EML1: variants seen among roughly 807,000 people sequenced by gnomAD.
EML1 encodes the protein EMAP like 1, also known as echinoderm microtubule-associated protein-like 1.
Under a neutral mutation model 110.4 loss-of-function variants are expected in EML1, and 27 were observed. That is an observed-to-expected ratio of 0.24 (90% confidence interval 0.18 to 0.34). The LOEUF is 0.34. Among genes scored for constraint, EML1 ranks in the 10% least tolerant of loss-of-function variants. The pLI is 1.00. For missense variants in EML1, 741 were observed against 1,030.9 expected (o/e 0.72, Z 3.85); for synonymous variants, 344 against 385.8 (o/e 0.89, Z 1.27).
chr14:99,822,199 TG>T (rs147795600), intron 1 of EML1, among the ~76,000 whole-genome samples: 6,785 of 152,180 alleles, frequency 0.045, 480 homozygotes, highest in African/African-American at 0.15. Context: ...CTAGGACATA[TG>T]TTTTTTTTTA....
chr14:99,900,253 A>G (rs944802039), intron 8 of EML1, among the ~76,000 whole-genome samples: 1 of 144,396 alleles, frequency 6.9e-6, no homozygotes, highest in Non-Finnish European at 1.5e-5. Context: ...CAGTAGTGCA[A>G]TCTTGGCTCA....
upstream of EML1, among the ~76,000 whole-genome samples, chr14:99,770,377 T>TTCTATCTTTCTA (rs1555388116): frequency 6.7e-6 from 1 of 150,186 alleles, no homozygotes; most frequent in Non-Finnish European, 1.5e-5. Context: ...AAAAATTTCT[T>TTCTATCTTTCTA]TCTATCTATC....
At chr14:99,860,829 C>T (rs1298074599) in intron 2 of EML1, among the ~76,000 whole-genome samples, 1 of 152,048 alleles carries the variant, frequency 6.6e-6, no homozygotes, top group Non-Finnish European at 1.5e-5. Flanking sequence ...CCTCTTCCTC[C>T]TCTTCCCACC....
intron 1 of EML1, among the ~76,000 whole-genome samples, chr14:99,753,122 C>G (rs1189911906): frequency 6.6e-6 from 1 of 151,538 alleles, no homozygotes; most frequent in Non-Finnish European, 1.5e-5. Flanking sequence ...AGGGGTCTTG[C>G]AAAGACACCT....
intron 1 of EML1, among the ~76,000 whole-genome samples, chr14:99,749,124 G>A (rs549306316): frequency 1.3e-5 from 2 of 152,288 alleles, no homozygotes; most frequent in East Asian, 1.9e-4. Flanking sequence ...ATGAACACTC[G>A]TGTACCAGTT....
At chr14:99,754,253 C>T (rs973789377) in intron 1 of EML1, among the ~76,000 whole-genome samples, 1 of 152,258 alleles carries the variant, frequency 6.6e-6, no homozygotes, top group Admixed American at 6.5e-5. Flanking sequence ...CTTCTTGTGA[C>T]ATCATCTTAA....
At position 99,914,323 on chromosome 14, in the gene EML1, G is replaced by A. The variant is rs2059997021; in HGVS notation, c.1620+19G>A. ...TACTCAGGTACGATCCCACTCAGCA[G>A]GCCCGGCAAACACTCTCATTTTGCA... is the stretch of plus-strand genomic sequence containing the variant. On this transcript the variant is annotated intron_variant, in intron 14 of 21. Transcript: ENST00000262233. 6.3e-7 allele frequency: 1 copy of A among 1,598,736 alleles called. No homozygotes were observed. Among genetic ancestry groups the A allele is most frequent in the Non-Finnish European group, 8.6e-7 (1 of 1,168,288 alleles).
At chr14:99,791,267 C>T (rs1009206450), upstream of EML1, among the ~76,000 whole-genome samples, 3 of 152,208 alleles carry the variant, frequency 2.0e-5, no homozygotes, top group Non-Finnish European at 4.4e-5. Flanking sequence ...CCTCTGCCAC[C>T]AGACAGAAGA....
intron 1 of EML1, among the ~76,000 whole-genome samples, chr14:99,848,994 A>G (rs2058747777): frequency 6.6e-6 from 1 of 152,042 alleles, no homozygotes; most frequent in Non-Finnish European, 1.5e-5. Context: ...TTAAGGTTTC[A>G]TAATAACATA....
At chr14:99,740,540 C>T (rs2057029881) in intron 1 of EML1, among the ~76,000 whole-genome samples, 1 of 152,168 alleles carries the variant, frequency 6.6e-6, no homozygotes, top group Non-Finnish European at 1.5e-5. Flanking sequence ...GTGGCCGGCC[C>T]CTGGATTTAT....
intron 4 of EML1, among the ~76,000 whole-genome samples, chr14:99,886,983 G>A (rs1038986730): frequency 6.6e-6 from 1 of 152,210 alleles, no homozygotes; most frequent in Non-Finnish European, 1.5e-5. Flanking sequence ...TTAGACATAC[G>A]TGTTCACAGC....
At chr14:99,822,278 T>C (rs117136557) in intron 1 of EML1, among the ~76,000 whole-genome samples, 2,417 of 152,322 alleles carry the variant, frequency 0.016, 29 homozygotes, top group South Asian at 0.031. Context: ...AGGCACTATA[T>C]ATGAGAATAC....
At chr14:99,801,035 C>T (rs1462621579) in intron 1 of EML1, among the ~76,000 whole-genome samples, 1 of 152,224 alleles carries the variant, frequency 6.6e-6, no homozygotes, top group African/African-American at 2.4e-5. Flanking sequence ...CGGCCAGATC[C>T]ATGCATTTAT....
At chr14:99,776,258 G>T (rs11852108) in intron 1 of EML1, among the ~76,000 whole-genome samples, 28,005 of 152,052 alleles carry the variant, frequency 0.18, 2,782 homozygotes, top group East Asian at 0.37. Context: ...CCCAGAACTT[G>T]GGGAGGCCAA....
intron 4 of EML1, among the ~76,000 whole-genome samples, chr14:99,890,054 C>T (rs1209741082): frequency 6.6e-6 from 1 of 152,148 alleles, no homozygotes; most frequent in African/African-American, 2.4e-5. Context: ...AGTTTTTATT[C>T]CTGGTGTTTT....
At chr14:99,739,104 C>CAGAG (rs1210048454) in intron 1 of EML1, among the ~76,000 whole-genome samples, 6 of 52,932 alleles carry the variant, frequency 1.1e-4, no homozygotes, top group African/African-American at 3.8e-4. Flanking sequence ...GAGAGAGAGA[C>CAGAG]AGAGAGAGAG....
chr14:99,774,889 T>C (rs1056599556), intron 1 of EML1, among the ~76,000 whole-genome samples: 5 of 152,220 alleles, frequency 3.3e-5, no homozygotes, highest in African/African-American at 1.2e-4. Flanking sequence ...CACTGACAGC[T>C]TGACTTTAAG....
chr14:99,860,703 T>C (rs1239538439), intron 2 of EML1, among the ~76,000 whole-genome samples: 1 of 152,134 alleles, frequency 6.6e-6, no homozygotes, highest in Non-Finnish European at 1.5e-5. Context: ...AACCCAAGGA[T>C]GTTATCAAGA....
At chr14:99,895,890 A>G (rs866057079) in intron 6 of EML1, among the ~76,000 whole-genome samples, 4 of 152,116 alleles carry the variant, frequency 2.6e-5, no homozygotes, top group Non-Finnish European at 5.9e-5. Context: ...TCTCAAAAAT[A>G]CATATATTCA....
Sources: gnomAD v4.1 joint callset for allele counts (sites outside exome capture counted in the v4.1 genomes callset) on GRCh38, gnomAD v4.1.1 for gene constraint, MANE v1.5 for transcripts, NCBI Gene and HGNC (gene_info 2026-07-23, HGNC 2026-07-21) for gene names.